DNAH10: variants seen among roughly 807,000 people sequenced by gnomAD.
The protein encoded by DNAH10 is dynein axonemal heavy chain 10.
DNAH10 carries 348 observed loss-of-function variants against 506.6 expected under a neutral mutation model. The observed-to-expected ratio is 0.69, with a 90% CI of 0.63 to 0.75. The LOEUF (loss-of-function observed/expected upper bound fraction) is 0.75, where lower values mean the gene tolerates loss of function less well. Among genes scored for constraint, DNAH10 ranks in the 30% least tolerant of loss-of-function variants. DNAH10 has a pLI of 0.00. For synonymous variants in DNAH10, 2,059 were observed against 2,198.6 expected (o/e 0.94, Z 1.78); for missense variants, 5,179 against 5,787.1 (o/e 0.89, Z 3.41).
chr12:123,870,846 T>C (rs1204872422), intron 44 of DNAH10, among the ~76,000 whole-genome samples: 1 of 152,148 alleles, frequency 6.6e-6, no homozygotes, highest in Non-Finnish European at 1.5e-5. Context: ...CGAGGCAGTG[T>C]TTTATAAAGG....
intron 36 of DNAH10, among the ~76,000 whole-genome samples, chr12:123,854,249 C>T (rs1273016670): frequency 6.6e-6 from 1 of 152,040 alleles, no homozygotes; most frequent in African/African-American, 2.4e-5. Flanking sequence ...TCCCCTGCTC[C>T]TCTATGTCCA....
At chr12:123,773,488 T>C (rs527844874) in intron 4 of DNAH10, among the ~76,000 whole-genome samples, 1 of 152,168 alleles carries the variant, frequency 6.6e-6, no homozygotes, top group East Asian at 1.9e-4. Context: ...GCTTGGATGG[T>C]TGTAACAAAT....
At chr12:123,829,669 G>A (rs1293529818) in intron 25 of DNAH10, among the ~76,000 whole-genome samples, 2 of 152,264 alleles carry the variant, frequency 1.3e-5, no homozygotes, top group Non-Finnish European at 2.9e-5. Context: ...TTCAGAGACC[G>A]ATGAACCAGT....
intron 12 of DNAH10, among the ~76,000 whole-genome samples, chr12:123,794,355 GTAA>G (rs972711624): frequency 6.6e-6 from 1 of 152,198 alleles, no homozygotes; most frequent in African/African-American, 2.4e-5. Flanking sequence ...GTGTGGGTTA[GTAA>G]TAATCATGGT....
chr12:123,894,802 GGTCTT>G, intron 54 of DNAH10, 79 bp downstream of exon 54: 1 of 1,297,300 alleles, frequency 7.7e-7, no homozygotes, highest in Non-Finnish European at 1.1e-6. Context: ...TTTGAATTCT[GGTCTT>G]GTAGATTTCT....
chr12:123,788,082 T>G (rs1594025560), intron 10 of DNAH10, 80 bp downstream of exon 10: 2 of 1,498,960 alleles, frequency 1.3e-6, no homozygotes, highest in African/African-American at 1.4e-5. Flanking sequence ...CCGTGTCAGG[T>G]AGGAGCTGGG....
intron 10 of DNAH10, among the ~76,000 whole-genome samples, chr12:123,789,503 C>T (rs938228734): frequency 1.3e-5 from 2 of 152,040 alleles, no homozygotes; most frequent in Non-Finnish European, 2.9e-5. Context: ...CCTGCCTCAG[C>T]CTCCTGAGTA....
rs146340248 is a variant in DNAH10, at chr12:123,779,708, T to C, written c.622-1372T>C. ...GTCCCAGCTGCCAATTTGCAGGAAA[T>C]ACACATCACAGAGGAACTTCAACTG... On this transcript the variant is annotated intron_variant, in intron 5 of 78. Transcript: ENST00000673944. 4.4e-3 allele frequency among the ~76,000 whole-genome samples: 677 copies of C among 152,174 alleles called. 5 individuals carry two copies. The highest frequency in any genetic ancestry group is 0.015 in the African/African-American group (640 of 41,512).
rs1187635501 is a variant in DNAH10, at chr12:123,864,737, A to G, written c.7044+7A>G. On this transcript the variant is annotated splice_region_variant and intron_variant, in intron 40 of 78. Coordinates refer to ENST00000673944, the MANE Select transcript of DNAH10 (RefSeq NM_001372106.1). ...CTGTGCCCTGCTCTTTGAGGCAAGT[A>G]GTGATTAAAAGTAAATTTGAACATA... is the stretch of plus-strand genomic sequence containing the variant. 1 of 1,591,904 alleles carries G rather than the reference A, an allele frequency of 6.3e-7. No individual in the cohort carries two copies. Among genetic ancestry groups the G allele is most frequent in the South Asian group, 1.2e-5 (1 of 86,344 alleles).
chr12:123,864,571 C>A, intron 39 of DNAH10, 24 bp from the exon 40 acceptor site: 4 of 1,540,228 alleles, frequency 2.6e-6, no homozygotes, highest in Admixed American at 1.7e-5. Context: ...GGACCCATGG[C>A]TCTCCTTTCT....
intron 3 of DNAH10, 91 bp from the exon 4 acceptor site, chr12:123,772,743 G>C: frequency 1.1e-6 from 1 of 944,270 alleles, no homozygotes; most frequent in South Asian, 1.6e-5. Flanking sequence ...CCATTGTGTT[G>C]AGAGGAGAGC....
intron 38 of DNAH10, among the ~76,000 whole-genome samples, chr12:123,859,988 C>T (rs1951553400): frequency 6.6e-6 from 1 of 151,546 alleles, no homozygotes; most frequent in South Asian, 2.1e-4. Context: ...TAGGATTGTG[C>T]CACTGCACAC....
intron 57 of DNAH10, chr12:123,908,189 C>T (rs969561807): frequency 2.6e-5 from 10 of 381,660 alleles, no homozygotes; most frequent in Non-Finnish European, 4.2e-5. Context: ...CTGTCTCCTC[C>T]CTGTCTCTCT....
chr12:123,796,932 G>T, intron 13 of DNAH10, 100 bp downstream of exon 13: 4 of 1,095,586 alleles, frequency 3.7e-6, no homozygotes, highest in Non-Finnish European at 5.0e-6. Flanking sequence ...GTGCAGTGGC[G>T]CAATCTCGGC....
intron 21 of DNAH10, among the ~76,000 whole-genome samples, chr12:123,816,901 CA>C (rs1237920690): frequency 1.3e-5 from 2 of 152,326 alleles, no homozygotes; most frequent in African/African-American, 4.8e-5. Context: ...ACATCCATAC[CA>C]GCACGAATAA....
At chr12:123,883,243 C>T (rs1004227957) in intron 51 of DNAH10, among the ~76,000 whole-genome samples, 5 of 152,162 alleles carry the variant, frequency 3.3e-5, no homozygotes, top group Non-Finnish European at 4.4e-5. Context: ...AGTGGAATTG[C>T]GGGATCCTAT....
At chr12:123,883,987 A>G (rs1377906171) in intron 51 of DNAH10, among the ~76,000 whole-genome samples, 1 of 152,130 alleles carries the variant, frequency 6.6e-6, no homozygotes, top group Non-Finnish European at 1.5e-5. Flanking sequence ...CACTTCTTGC[A>G]GAAGGGTCAT....
In DNAH10 at chr12:123,813,698, G is replaced by A. The variant is rs530138443; in HGVS notation, c.3622-56G>A. On this transcript the variant is annotated intron_variant, in intron 20 of 78. Transcript: ENST00000673944. ...TTTCGTGTAAGTTGGGTCTTCATTT[G>A]CGCCATTACTGTTTTTTCTGTGTTT... 24 of 1,612,568 alleles carry A rather than the reference G, an allele frequency of 1.5e-5. No individual in the cohort carries two copies. The South Asian group carries it at 2.4e-4, about 16-fold the overall frequency.
chr12:123,927,841 C>T (rs939479004), intron 69 of DNAH10: 1 of 154,130 alleles, frequency 6.5e-6, no homozygotes, highest in Non-Finnish European at 1.4e-5. Context: ...CAAGGCGGGC[C>T]AGCTCTCTCA....
Sources: allele counts gnomAD v4.1 joint callset (sites outside exome capture counted in the v4.1 genomes callset), GRCh38; gene constraint gnomAD v4.1.1; transcripts MANE v1.5; gene names NCBI Gene and HGNC (gene_info 2026-07-23, HGNC 2026-07-21).